The following ERC2 variants were observed in gnomAD, a reference collection of about 807,000 sequenced individuals.
ERC2 encodes ERC protein 2.
ERC2 carries 42 observed loss-of-function variants against 114.8 expected under a neutral mutation model. That is an observed-to-expected ratio of 0.37 (90% CI 0.29 to 0.47). The LOEUF (loss-of-function observed/expected upper bound fraction) is 0.47, where lower values mean the gene tolerates loss of function less well. ERC2 is among the 20% of genes least tolerant of loss of function. The pLI, the probability that ERC2 is intolerant of heterozygous loss-of-function variation, is 0.99. For synonymous variants in ERC2, 454 were observed against 425.5 expected (o/e 1.07, Z -0.82); for missense variants, 939 against 1,150.7 (o/e 0.82, Z 2.66).
At position 56,173,522 on chromosome 3, in the gene ERC2, T is replaced by C. The variant is rs1374182636; in HGVS notation, c.1075-2A>G. On this transcript the variant is annotated splice_acceptor_variant, in intron 3 of 17. Transcript: ENST00000288221. LOFTEE classifies it high-confidence loss of function. ...AAGTTGGCTTCTTCGGTGCAATTCC[T>C]GGGGAGGAACACGATAGAAATAAGC... 5 of 1,613,682 alleles carry C rather than the reference T, an allele frequency of 3.1e-6. No homozygotes were observed. Among genetic ancestry groups the C allele is most frequent in the Non-Finnish European group, 8.5e-7 (1 of 1,179,768 alleles).
chr3:56,034,859 A>G (rs1331371739), intron 7 of ERC2, among the ~76,000 whole-genome samples: 3 of 152,102 alleles, frequency 2.0e-5, no homozygotes, highest in African/African-American at 7.2e-5. Flanking sequence ...AGAAACACCT[A>G]TATTAAGGAA....
chr3:55,588,777 G>A (rs1332021981), intron 17 of ERC2, among the ~76,000 whole-genome samples: 2 of 143,616 alleles, frequency 1.4e-5, no homozygotes, highest in African/African-American at 2.9e-5. Context: ...ATAAGATGGC[G>A]CTTGACTGGA....
intron 13 of ERC2, among the ~76,000 whole-genome samples, chr3:55,948,020 T>C (rs143682836): frequency 2.4e-4 from 36 of 152,362 alleles, no homozygotes; most frequent in South Asian, 1.9e-3. Context: ...CTGTGCTATA[T>C]ATCCAGGTTT....
Position 56,298,098 on chromosome 3 carries a change from A to C in ERC2, c.658-1663T>G, listed in dbSNP as rs963961090. Among the ~76,000 whole-genome samples the C allele has an allele frequency of 3.9e-5, 6 of 152,316 alleles. No individual in the cohort carries two copies. The South Asian group carries it at 1.2e-3, about 32-fold the overall frequency. ...TGCTCCCCTATAAAGTGTAACATAC[A>C]AAGTTGTACAACCATCAACACAATA... On this transcript the variant is annotated intron_variant, in intron 2 of 17. Transcript: ENST00000288221.
At chr3:56,274,007 C>T (rs868851060) in intron 3 of ERC2, among the ~76,000 whole-genome samples, 2 of 152,182 alleles carry the variant, frequency 1.3e-5, no homozygotes, top group Non-Finnish European at 2.9e-5. Context: ...ACAGTTGTCT[C>T]TTGGTATAGA....
chr3:56,395,358 G>T (rs2060267559), intron 2 of ERC2, among the ~76,000 whole-genome samples: 1 of 152,076 alleles, frequency 6.6e-6, no homozygotes, highest in South Asian at 2.1e-4. Flanking sequence ...GGGTCTTTAG[G>T]TACCTTATCT....
At chr3:56,406,665 C>A (rs999868519) in intron 2 of ERC2, among the ~76,000 whole-genome samples, 1 of 152,218 alleles carries the variant, frequency 6.6e-6, no homozygotes, top group Non-Finnish European at 1.5e-5. Context: ...TGCTCACACC[C>A]TACAGTGCCT....
chr3:56,454,300 T>C (rs2062959447), intron 1 of ERC2, among the ~76,000 whole-genome samples: 3 of 152,182 alleles, frequency 2.0e-5, no homozygotes. Context: ...ATGCTCTAAG[T>C]GCCTATCGAT....
intron 2 of ERC2, among the ~76,000 whole-genome samples, chr3:56,341,587 G>A (rs77440259): frequency 1.4e-5 from 2 of 147,464 alleles, no homozygotes; most frequent in South Asian, 4.3e-4. Flanking sequence ...TCTTTTAGGG[G>A]CAAAAAAAAA....
chr3:56,257,118 C>T (rs1467730764), intron 3 of ERC2, among the ~76,000 whole-genome samples: 2 of 152,150 alleles, frequency 1.3e-5, no homozygotes, highest in South Asian at 4.1e-4. Context: ...TGTAAAACCA[C>T]TGGAATGAAA....
intron 17 of ERC2, among the ~76,000 whole-genome samples, chr3:55,675,903 C>CTTCTTT: frequency 2.1e-5 from 1 of 47,996 alleles, no homozygotes; most frequent in Non-Finnish European, 3.5e-5. Context: ...TCTTTTCTTT[C>CTTCTTT]TTTTTTTTTT....
intron 12 of ERC2, among the ~76,000 whole-genome samples, chr3:55,958,979 A>G (rs1559934618): frequency 6.6e-6 from 1 of 152,074 alleles, no homozygotes; most frequent in Non-Finnish European, 1.5e-5. Context: ...CTGTTCTTGG[A>G]TCCCGCTGGA....
At chr3:56,461,280 T>C (rs891639567) in intron 1 of ERC2, among the ~76,000 whole-genome samples, 2 of 152,200 alleles carry the variant, frequency 1.3e-5, no homozygotes, top group Non-Finnish European at 2.9e-5. Context: ...TCAGTAAAGA[T>C]AAGCAGAAAA....
At chr3:55,556,757 C>G (rs2055639893) in intron 17 of ERC2, among the ~76,000 whole-genome samples, 1 of 152,178 alleles carries the variant, frequency 6.6e-6, no homozygotes, top group African/African-American at 2.4e-5. Context: ...CTGGGACCCA[C>G]CATGCATGAA....
intron 17 of ERC2, among the ~76,000 whole-genome samples, chr3:55,546,271 A>G (rs1235245937): frequency 6.6e-6 from 1 of 152,154 alleles, no homozygotes; most frequent in African/African-American, 2.4e-5. Context: ...TCCTACCTCC[A>G]GGCCTTTGCC....
chr3:55,578,010 A>C (rs1048504516), intron 17 of ERC2, among the ~76,000 whole-genome samples: 12 of 152,176 alleles, frequency 7.9e-5, no homozygotes, highest in African/African-American at 2.9e-4. Context: ...TCACCAATAC[A>C]TGGGAAACCT....
At chr3:56,420,208 A>G (rs1308408543) in intron 2 of ERC2, among the ~76,000 whole-genome samples, 3 of 120,182 alleles carry the variant, frequency 2.5e-5, no homozygotes, top group Admixed American at 1.1e-4. Flanking sequence ...TTTTGGAGAC[A>G]GAGTATTACT....
intron 17 of ERC2, among the ~76,000 whole-genome samples, chr3:55,665,898 C>T (rs2061339320): frequency 6.6e-6 from 1 of 152,166 alleles, no homozygotes; most frequent in Non-Finnish European, 1.5e-5. Context: ...AGAGGCTGAG[C>T]TACTCAGTCA....
At chr3:55,912,873 C>G (rs73075381) in intron 13 of ERC2, among the ~76,000 whole-genome samples, 6,535 of 152,228 alleles carry the variant, frequency 0.043, 223 homozygotes, top group African/African-American at 0.09. Context: ...AAACCCAGGA[C>G]CCAGAGGAAC....
Sources: allele counts gnomAD v4.1 joint callset (sites outside exome capture counted in the v4.1 genomes callset), GRCh38; gene constraint gnomAD v4.1.1; transcripts MANE v1.5; gene names NCBI Gene and HGNC (gene_info 2026-07-23, HGNC 2026-07-21).